Variants in LDLRAD4 observed in about 807,000 individuals in gnomAD.
The protein encoded by LDLRAD4 is low density lipoprotein receptor class A domain containing 4, also known as low-density lipoprotein receptor class A domain-containing protein 4.
A neutral mutation model predicts 17.0 loss-of-function variants in LDLRAD4; 5 were observed. The observed-to-expected ratio is 0.29, with a 90% CI of 0.15 to 0.62. The LOEUF is 0.62. Ranked by LOEUF, LDLRAD4 falls within the 20% of genes least tolerant of loss-of-function variation. The pLI is 0.84. For missense variants in LDLRAD4, 340 were observed against 424.7 expected, an observed-to-expected ratio of 0.80 and a Z score of 1.75; for synonymous variants, 168 against 171.8, an observed-to-expected ratio of 0.98 and a Z score of 0.17.
rs1043839160 is a variant in LDLRAD4 at position 13,621,383 on chromosome 18, G to A, written c.336+112G>A. 5.2e-6 allele frequency: 4 copies of A among 765,116 alleles called. No individual in the cohort carries two copies. Among genetic ancestry groups the A allele is most frequent in the Non-Finnish European group, 8.7e-6 (4 of 457,566 alleles). The allele number at this position is 765,116 out of a possible 1,614,324, so 47.4% of individuals were successfully genotyped here. A position where few individuals can be genotyped will look rare whatever the true frequency, so the allele number is the denominator to read the frequency against. The stretch of plus-strand genomic sequence containing the variant: ...TCAGTTGACATGTAACAAACGGGGC[G>A]AAGCGCACCTCGTAAGTGTTCCACT... On this transcript the variant is annotated intron_variant, in intron 4 of 5. Transcript: ENST00000359446. The surrounding 1 kb of genome is among the most constrained non-coding windows in gnomAD (Gnocchi z 5.5).
intron 1 of LDLRAD4, among the ~76,000 whole-genome samples, chr18:13,343,609 T>G (rs376122840): frequency 2.0e-5 from 3 of 152,130 alleles, no homozygotes; most frequent in Non-Finnish European, 2.9e-5. Flanking sequence ...GTAATGGGAT[T>G]GCTGGGTCAA....
chr18:13,445,209 G>A (rs926332252), intron 3 of LDLRAD4, among the ~76,000 whole-genome samples: 7 of 152,184 alleles, frequency 4.6e-5, no homozygotes, highest in African/African-American at 1.7e-4. Flanking sequence ...GCTTCTGGCC[G>A]GCCCTAAAGA....
chr18:13,337,262 AG>A (rs1235030570), intron 1 of LDLRAD4, among the ~76,000 whole-genome samples: 1 of 152,184 alleles, frequency 6.6e-6, no homozygotes, highest in Non-Finnish European at 1.5e-5. Flanking sequence ...CGTGTCTTTC[AG>A]GGTGTGTTCT....
At chr18:13,328,592 T>A (rs1234028310) in intron 1 of LDLRAD4, among the ~76,000 whole-genome samples, 1 of 152,198 alleles carries the variant, frequency 6.6e-6, no homozygotes, top group Non-Finnish European at 1.5e-5. Context: ...CCTTATCCCA[T>A]GTAGAAGGAA....
chr18:13,631,781 A>G (rs1049435693), intron 4 of LDLRAD4, among the ~76,000 whole-genome samples: 5 of 151,826 alleles, frequency 3.3e-5, no homozygotes, highest in African/African-American at 9.7e-5. Flanking sequence ...ACGAAAATTA[A>G]CCAGGCATGG....
chr18:13,248,540 G>A (rs2145791327), intron 1 of LDLRAD4, among the ~76,000 whole-genome samples: 1 of 152,322 alleles, frequency 6.6e-6, no homozygotes, highest in Non-Finnish European at 1.5e-5. Context: ...AAGTTTAACT[G>A]CTAAGCTACT....
intron 3 of LDLRAD4, chr18:13,487,478 G>A (rs997826459): frequency 1.8e-4 from 27 of 152,426 alleles, no homozygotes; most frequent in African/African-American, 5.8e-4. Flanking sequence ...AGACGTGTTT[G>A]TGGCATCGGC....
intron 3 of LDLRAD4, among the ~76,000 whole-genome samples, chr18:13,546,843 A>T (rs1170270760): frequency 1.3e-5 from 2 of 152,210 alleles, no homozygotes. Flanking sequence ...GCGGCACAGA[A>T]AGGCAGTGTC....
rs561710748 is a variant in LDLRAD4 at position 13,432,343 on chromosome 18, G to A, written c.41-5901G>A. Among the ~76,000 whole-genome samples, 36 of 152,314 alleles carry A rather than the reference G, an allele frequency of 2.4e-4. 1 individual carries two copies. In the South Asian group the frequency reaches 6.8e-3, roughly 29 times the overall value. On this transcript the variant is annotated intron_variant, in intron 2 of 5. Coordinates refer to ENST00000359446, the Ensembl canonical transcript of LDLRAD4. The stretch of plus-strand genomic sequence containing the variant: ...TTTGTGGAAACCACTTTATGGAATC[G>A]AATATTTCAACCTCCCTGAAGGCTG...
intron 3 of LDLRAD4, among the ~76,000 whole-genome samples, chr18:13,602,841 A>T (rs2095179825): frequency 6.6e-6 from 1 of 152,228 alleles, no homozygotes; most frequent in African/African-American, 2.4e-5. Context: ...GTCACAAATA[A>T]GTAAAATATT....
intron 1 of LDLRAD4, among the ~76,000 whole-genome samples, chr18:13,232,558 G>A (rs887542044): frequency 1.3e-5 from 2 of 151,882 alleles, no homozygotes; most frequent in Non-Finnish European, 2.9e-5. Flanking sequence ...GGCCTTGTCC[G>A]GGGGCTGCTG....
At chr18:13,456,145 C>G (rs2092121507) in intron 3 of LDLRAD4, among the ~76,000 whole-genome samples, 1 of 152,196 alleles carries the variant, frequency 6.6e-6, no homozygotes, top group Non-Finnish European at 1.5e-5. Flanking sequence ...GGAAACAGGG[C>G]AGAGTTCCAG....
At chr18:13,454,159 T>TAA (rs2091996915) in intron 3 of LDLRAD4, among the ~76,000 whole-genome samples, 1 of 152,198 alleles carries the variant, frequency 6.6e-6, no homozygotes, top group South Asian at 2.1e-4. Flanking sequence ...GTCTGACTGT[T>TAA]AGATGCGCAA....
rs2040761286 is a variant in LDLRAD4, at chr18:13,622,659, T to G, written c.336+1388T>G. ...CTTTGGCATCCTGATGCCTGTAGAT[T>G]GTTGGACAGAGGGAGGACTAATTCT... On this transcript the variant is annotated intron_variant, in intron 4 of 5. Transcript: ENST00000359446. This position sits in a 1 kb window ranked among gnomAD's most constrained non-coding sequence, Gnocchi z 5.3. Among the ~76,000 whole-genome samples the G allele has an allele frequency of 6.6e-6, 1 of 152,196 alleles. No homozygotes were observed. Among genetic ancestry groups the G allele is most frequent in the Admixed American group, 6.5e-5 (1 of 15,284 alleles).
intron 1 of LDLRAD4, among the ~76,000 whole-genome samples, chr18:13,377,594 C>A (rs1168433834): frequency 6.6e-6 from 1 of 152,166 alleles, no homozygotes; most frequent in Admixed American, 6.5e-5. Flanking sequence ...ATCAGATGGG[C>A]CTGTATCTGT....
chr18:13,599,113 T>A (rs1296410598), intron 3 of LDLRAD4, among the ~76,000 whole-genome samples: 1 of 152,220 alleles, frequency 6.6e-6, no homozygotes, highest in Non-Finnish European at 1.5e-5. Flanking sequence ...ATTTAACCTC[T>A]GCAACAGGGA....
Position 13,367,523 on chromosome 18 carries a change from C to T in LDLRAD4, c.-382-19818C>T, listed in dbSNP as rs569602754. Among the ~76,000 whole-genome samples the T allele has an allele frequency of 2.6e-5, 4 of 152,300 alleles. No individual in the cohort carries two copies. Among genetic ancestry groups the T allele is most frequent in the African/African-American group, 4.8e-5 (2 of 41,560 alleles). The stretch of plus-strand genomic sequence containing the variant: ...GCACACCAGGCAGCTTCCGTCCAGG[C>T]GGAGAGCCAGGGCCCGGGTGCTGCA... On this transcript the variant is annotated intron_variant, in intron 1 of 5. Coordinates refer to ENST00000359446, the Ensembl canonical transcript of LDLRAD4. This position sits in a 1 kb window ranked among gnomAD's most constrained non-coding sequence, Gnocchi z 4.1.
chr18:13,511,258 G>A (rs2093773225), intron 3 of LDLRAD4, among the ~76,000 whole-genome samples: 3 of 152,126 alleles, frequency 2.0e-5, no homozygotes, highest in Admixed American at 6.5e-5. Context: ...CACAGGGCCG[G>A]GCACAGTGGC....
At chr18:13,640,058 G>A (rs548484793) in intron 4 of LDLRAD4, among the ~76,000 whole-genome samples, 2 of 152,198 alleles carry the variant, frequency 1.3e-5, no homozygotes, top group East Asian at 1.9e-4. Flanking sequence ...AGGCCGAGGC[G>A]GGTGAATCAC....
Sources: gnomAD v4.1 joint callset for allele counts (sites outside exome capture counted in the v4.1 genomes callset) on GRCh38, gnomAD v4.1.1 for gene constraint, Gnocchi (gnomAD v3.1) non-coding constraint, MANE v1.5 for transcripts, NCBI Gene and HGNC (gene_info 2026-07-23, HGNC 2026-07-21) for gene names.